EFCAB7: variants seen among roughly 807,000 people sequenced by gnomAD.
EFCAB7 encodes EF-hand calcium-binding domain-containing protein 7.
Under a neutral mutation model 77.1 loss-of-function variants are expected in EFCAB7, and 66 were observed. The ratio of observed to expected loss-of-function variants is 0.86; its 90% CI spans 0.70 to 1.05. EFCAB7 has a LOEUF of 1.05. Ranked by LOEUF, EFCAB7 falls within the 50% of genes least tolerant of loss-of-function variation. The pLI, the probability that EFCAB7 is intolerant of heterozygous loss-of-function variation, is 0.00. For synonymous variants in EFCAB7, 225 were observed against 243.3 expected, an observed-to-expected ratio of 0.92 and a Z score of 0.70; for missense variants, 638 against 730.5, an observed-to-expected ratio of 0.87 and a Z score of 1.46.
intron 1 of EFCAB7, 88 bp from the exon 2 acceptor site, chr1:63,525,484 T>C (rs999093936): frequency 2.8e-6 from 3 of 1,090,172 alleles, no homozygotes; most frequent in Non-Finnish European, 3.8e-6. Flanking sequence ...AAAATCTTGA[T>C]TCTCCTCCCT....
intron 11 of EFCAB7, among the ~76,000 whole-genome samples, chr1:63,564,614 T>A (rs1473524987): frequency 6.6e-6 from 1 of 152,144 alleles, no homozygotes; most frequent in African/African-American, 2.4e-5. Context: ...AGAATCAATA[T>A]CGTTAAAATG....
At chr1:63,567,655 A>G (rs1008821370) in intron 11 of EFCAB7, among the ~76,000 whole-genome samples, 2 of 152,086 alleles carry the variant, frequency 1.3e-5, no homozygotes, top group African/African-American at 2.4e-5. Context: ...TGGAGAGAAC[A>G]CTACGTATGA....
chr1:63,566,699 A>G (rs1415832796), intron 11 of EFCAB7, among the ~76,000 whole-genome samples: 2 of 151,864 alleles, frequency 1.3e-5, no homozygotes, highest in African/African-American at 4.8e-5. Context: ...CATAATTATT[A>G]TAAATAATCT....
downstream of EFCAB7, among the ~76,000 whole-genome samples, chr1:63,573,252 A>G (rs537492294): frequency 9.9e-5 from 15 of 152,210 alleles, no homozygotes; most frequent in Non-Finnish European, 1.8e-4. Flanking sequence ...GTGGGAACCT[A>G]GAGTGGGAGA....
chr1:63,579,129 G>A, the EFCAB7 span, among the ~76,000 whole-genome samples: 48 of 152,122 alleles, frequency 3.2e-4, no homozygotes, highest in African/African-American at 1.1e-3. Flanking sequence ...CACATGTATA[G>A]ATTCATATAA....
intron 1 of EFCAB7, among the ~76,000 whole-genome samples, chr1:63,524,703 T>A (rs1646550585): frequency 6.6e-6 from 1 of 152,216 alleles, no homozygotes; most frequent in Non-Finnish European, 1.5e-5. Flanking sequence ...CAGTACTATA[T>A]CCACATTAAC....
intron 12 of EFCAB7, chr1:63,570,748 T>C (rs1192990952): frequency 1.8e-5 from 4 of 223,070 alleles, no homozygotes; most frequent in Non-Finnish European, 2.6e-5. Context: ...GATGAAATAA[T>C]GTGACCCTAG....
Position 63,543,569 on chromosome 1 carries a change from TTG to T in EFCAB7, c.805-2344_805-2343del, listed in dbSNP as rs548592139. 3.5e-3 allele frequency among the ~76,000 whole-genome samples: 527 copies of T among 152,330 alleles called. 1 individual carries two copies. Among genetic ancestry groups the T allele is most frequent in the Non-Finnish European group, 6.4e-3 (433 of 68,026 alleles). On this transcript the variant is annotated intron_variant, in intron 6 of 13. Transcript: ENST00000371088. ...GATTTTTAATAAAATATGAAAATAA[TTG>T]TGACATAAAATAGAAAAATGAGATG...
At chr1:63,575,699 T>C (rs1647391429), downstream of EFCAB7, among the ~76,000 whole-genome samples, 1 of 152,116 alleles carries the variant, frequency 6.6e-6, no homozygotes, top group Admixed American at 6.6e-5. Flanking sequence ...TTCTTCCATC[T>C]CAGCCTTCCG....
rs769329799 is a variant in EFCAB7 at position 63,555,558 on chromosome 1, G to A, written c.1214+43G>A. 2.6e-6 allele frequency: 4 copies of A among 1,550,784 alleles called. No individual in the cohort carries two copies. In the Admixed American group the frequency reaches 5.3e-5, roughly 20 times the overall value. Reference sequence around the variant, plus strand: ...ATGTTAGAATTATAACATCTAGACTGGATAGATATTAATAGCCTGTGTTAC... The same window carrying A: ...ATGTTAGAATTATAACATCTAGACTAGATAGATATTAATAGCCTGTGTTAC... On this transcript the variant is annotated intron_variant, in intron 9 of 13. Coordinates refer to ENST00000371088, the MANE Select transcript of EFCAB7 (RefSeq NM_032437.4).
intron 6 of EFCAB7, among the ~76,000 whole-genome samples, chr1:63,535,043 A>G (rs1646747215): frequency 6.6e-6 from 1 of 152,132 alleles, no homozygotes; most frequent in Non-Finnish European, 1.5e-5. Flanking sequence ...TTCCAACAAT[A>G]TTACTTTCCA....
chr1:63,554,371 C>G (rs757311694), intron 8 of EFCAB7, among the ~76,000 whole-genome samples: 2 of 152,132 alleles, frequency 1.3e-5, no homozygotes, highest in Admixed American at 1.3e-4. Context: ...GACAGAGTCT[C>G]GTTCTATCAC....
chr1:63,556,765 G>A (rs189484037), intron 9 of EFCAB7, among the ~76,000 whole-genome samples: 25 of 151,838 alleles, frequency 1.6e-4, no homozygotes, highest in African/African-American at 5.3e-4. Context: ...GTTCACGCCT[G>A]TAATCCCAGC....
At chr1:63,583,470 TG>T in the EFCAB7 span, among the ~76,000 whole-genome samples, 1 of 152,164 alleles carries the variant, frequency 6.6e-6, no homozygotes, top group Admixed American at 6.5e-5. Context: ...ACAGTTTTTT[TG>T]ATCTGGCACA....
chr1:63,523,677 C>T (rs1646518205), intron 1 of EFCAB7, 43 bp downstream of exon 1: 1 of 173,894 alleles, frequency 5.8e-6, no homozygotes, highest in South Asian at 1.2e-4. Flanking sequence ...CTCCCTCTGT[C>T]CCTCTCTGTG....
chr1:63,546,315 GAAGAAAATAAAAGAAAAAA>G (rs1270814663), intron 7 of EFCAB7, among the ~76,000 whole-genome samples: 1 of 150,968 alleles, frequency 6.6e-6, no homozygotes, highest in Non-Finnish European at 1.5e-5. Flanking sequence ...AGCTAAGATA[GAAGAAAATAAAAGAAAAAA>G]AATGTTAACT....
chr1:63,563,760 A>G (rs369965276), intron 11 of EFCAB7, among the ~76,000 whole-genome samples: 1 of 151,996 alleles, frequency 6.6e-6, no homozygotes, highest in African/African-American at 2.4e-5. Flanking sequence ...CTTATTACTT[A>G]TTTCTTTATT....
chr1:63,532,505 A>G (rs912422183), intron 3 of EFCAB7, among the ~76,000 whole-genome samples, 165 bp from the exon 4 acceptor site: 18 of 152,102 alleles, frequency 1.2e-4, no homozygotes, highest in Admixed American at 1.3e-4. Context: ...TGTGAAATTT[A>G]TATAGCCGCC....
intron 9 of EFCAB7, 77 bp from the exon 10 acceptor site, chr1:63,557,037 C>CAAAAA: frequency 9.6e-6 from 9 of 941,468 alleles, no homozygotes; most frequent in African/African-American, 2.6e-5. Flanking sequence ...GACTCCGTCT[C>CAAAAA]AAAAAAAAAA....
Sources: gnomAD v4.1 joint callset for allele counts (sites outside exome capture counted in the v4.1 genomes callset) on GRCh38, gnomAD v4.1.1 for gene constraint, MANE v1.5 for transcripts, NCBI Gene and HGNC (gene_info 2026-07-23, HGNC 2026-07-21) for gene names.